The following IFT122 variants were observed in gnomAD, a reference collection of about 807,000 sequenced individuals.
IFT122 encodes intraflagellar transport protein 122 homolog.
A neutral mutation model predicts 161.6 loss-of-function variants in IFT122; 118 were observed. The observed-to-expected ratio is 0.73, with a 90% CI of 0.63 to 0.85. The LOEUF is 0.85. Among genes scored for constraint, IFT122 ranks in the 40% least tolerant of loss-of-function variants. The pLI is 0.00. For synonymous variants in IFT122, 550 were observed against 602.4 expected (o/e 0.91, Z 1.27); for missense variants, 1,381 against 1,579.6 (o/e 0.87, Z 2.13).
At chr3:129,515,301 A>G in intron 25 of IFT122, 187 bp from the exon 26 acceptor site, 1 of 637,944 alleles carries the variant, frequency 1.6e-6, no homozygotes, top group Admixed American at 2.4e-5. Flanking sequence ...GGGCTTGGGT[A>G]TTTCGGCAGG....
intron 26 of IFT122, among the ~76,000 whole-genome samples, chr3:129,517,048 C>G: frequency 7.1e-6 from 1 of 140,718 alleles, no homozygotes; most frequent in Non-Finnish European, 1.5e-5. Context: ...TGCACACACA[C>G]ACACACACAC....
At chr3:129,483,797 G>A (rs2078950308) in intron 15 of IFT122, 115 bp downstream of exon 15, 4 of 1,152,168 alleles carry the variant, frequency 3.5e-6, no homozygotes, top group Admixed American at 2.0e-5. Flanking sequence ...AATGGCAGCT[G>A]TGAGGTCGTG....
intron 18 of IFT122, among the ~76,000 whole-genome samples, chr3:129,495,971 T>C (rs1400217738): frequency 6.6e-6 from 1 of 152,146 alleles, no homozygotes; most frequent in Non-Finnish European, 1.5e-5. Context: ...CAAGAATCGG[T>C]GTCTTCAGGC....
chr3:129,498,327 GT>G lies in IFT122; in HGVS notation c.2209-1571del, dbSNP rs540514895. Among the ~76,000 whole-genome samples the G allele has an allele frequency of 5.4e-4, 82 of 152,330 alleles. 1 individual carries two copies. The South Asian group carries it at 7.5e-3, about 14-fold the overall frequency. ...ACATTTCTAGTCTCCTAAGATGCCT[GT>G]TTTCCTCCAGCTGCCACCCTCATTT... On this transcript the variant is annotated intron_variant, in intron 18 of 29. Transcript: ENST00000348417.
chr3:129,513,775 G>A (rs949832533), intron 24 of IFT122: 10 of 190,308 alleles, frequency 5.3e-5, no homozygotes, highest in Admixed American at 1.1e-4. Flanking sequence ...GGAGAGATGC[G>A]GGAGGAAGGG....
At chr3:129,502,949 C>T in intron 20 of IFT122, 67 bp downstream of exon 20, 2 of 1,518,434 alleles carry the variant, frequency 1.3e-6, no homozygotes, top group East Asian at 2.3e-5. Context: ...CGGGTGGGTA[C>T]AGGGGCCCTT....
chr3:129,464,901 A>C, intron 7 of IFT122, 120 bp downstream of exon 7: 1 of 1,136,082 alleles, frequency 8.8e-7, no homozygotes, highest in South Asian at 1.3e-5. Flanking sequence ...CTGTTTTAGA[A>C]CCTGTCCCAT....
intron 4 of IFT122, chr3:129,459,529 A>ATT: frequency 1.4e-5 from 3 of 221,330 alleles, no homozygotes; most frequent in South Asian, 4.4e-5. Context: ...GACTACATCT[A>ATT]TTTTTTTTTT....
Position 129,514,525 on chromosome 3 carries a change from A to T in IFT122, c.3124A>T (p.Ile1042Phe). Reference sequence around the variant, plus strand: ...GTCCATTGAGCTGGGTACCCTGACCATCCGCGCCAAGCCCTTCCACGACAG... The same window carrying T: ...GTCCATTGAGCTGGGTACCCTGACCTTCCGCGCCAAGCCCTTCCACGACAG... ...QKSIELGTLT[I>F]RAKPFHDSEE... The change falls in exon 25 of 30, where the codon ATC becomes TTC. Residue 1042 changes from isoleucine (I) to phenylalanine (F), a missense_variant. Physicochemically the swap from Ile to Phe is conservative, Grantham distance 21. Transcript: ENST00000348417. The T allele has an allele frequency of 6.2e-7, 1 of 1,614,218 alleles. No individual in the cohort carries two copies. The highest frequency in any genetic ancestry group is 8.5e-7 in the Non-Finnish European group (1 of 1,180,034).
chr3:129,492,082 A>G (rs1362884986), intron 16 of IFT122, 59 bp from the exon 17 acceptor site: 3 of 1,326,248 alleles, frequency 2.3e-6, no homozygotes, highest in Non-Finnish European at 3.3e-6. Context: ...CCCCTAGCCA[A>G]TCACCCACTT....
rs565104576 is a variant in IFT122 at position 129,519,328 on chromosome 3, C to A, written c.3471+142C>A. The A allele has an allele frequency of 2.4e-5, 24 of 979,648 alleles. No homozygotes were observed. In the African/African-American group the frequency reaches 3.7e-4, roughly 15 times the overall value. 60.7% of individuals were successfully genotyped at this position (979,648 alleles called of 1,614,324 possible). On this transcript the variant is annotated intron_variant, in intron 28 of 29. Transcript: ENST00000348417. ...TGGTGGCACGAAGGAGGGGCAGGAC[C>A]CCTTCCTGTGGGGTGTGGGAGCCAT...
chr3:129,457,741 T>TG (rs1272758102), intron 3 of IFT122, among the ~76,000 whole-genome samples: 19 of 148,188 alleles, frequency 1.3e-4, no homozygotes, highest in Admixed American at 1.2e-3. Flanking sequence ...AGTTTTTTTT[T>TG]TTTTTTTTTT....
At chr3:129,488,206 T>C (rs747336156) in intron 15 of IFT122, 51 bp from the exon 16 acceptor site, 79 of 1,613,274 alleles carry the variant, frequency 4.9e-5, no homozygotes, top group Non-Finnish European at 6.0e-5. Context: ...TCTGGTTCTT[T>C]CCATGGCTCT....
At chr3:129,514,272 C>G in intron 24 of IFT122, 117 bp from the exon 25 acceptor site, 3 of 1,161,334 alleles carry the variant, frequency 2.6e-6, no homozygotes, top group Non-Finnish European at 2.5e-6. Context: ...GGTCTTTCCT[C>G]TGCCTTCCCG....
intron 19 of IFT122, among the ~76,000 whole-genome samples, chr3:129,500,467 A>G (rs2081388690): frequency 6.6e-6 from 1 of 152,246 alleles, no homozygotes; most frequent in Non-Finnish European, 1.5e-5. Flanking sequence ...AGATAGCTGG[A>G]AAGTTGTAGA....
intron 20 of IFT122, chr3:129,503,890 A>G: frequency 3.6e-6 from 1 of 280,024 alleles, no homozygotes. Flanking sequence ...AGAAGCAGTC[A>G]GTGGGTCCAT....
Position 129,517,893 on chromosome 3 carries a change from C to T in IFT122, c.3391+299C>T, listed in dbSNP as rs72987906. Among the ~76,000 whole-genome samples the T allele has an allele frequency of 2.2e-3, 341 of 152,358 alleles. 2 individuals are homozygous for T. The highest frequency in any genetic ancestry group is 7.6e-3 in the African/African-American group (317 of 41,590). ...CTGTGCCTCTGTCTGTGCATAGCTC[C>T]TGCATAGCCAACATGGGACATGATG... On this transcript the variant is annotated intron_variant, in intron 27 of 29. Transcript: ENST00000348417.
chr3:129,507,841 A>T (rs2082344958), intron 23 of IFT122, 79 bp downstream of exon 23: 2 of 1,066,704 alleles, frequency 1.9e-6, no homozygotes, highest in Admixed American at 3.4e-5. Flanking sequence ...AGAGCAGCAG[A>T]CTGGATGGAA....
chr3:129,517,396 T>C, intron 26 of IFT122, 73 bp from the exon 27 acceptor site: 1 of 1,595,382 alleles, frequency 6.3e-7, no homozygotes, highest in Non-Finnish European at 8.6e-7. Flanking sequence ...AACTCTGTGG[T>C]CACCCCACCT....
Sources: allele counts gnomAD v4.1 joint callset (sites outside exome capture counted in the v4.1 genomes callset), GRCh38; gene constraint gnomAD v4.1.1; transcripts MANE v1.5; gene names NCBI Gene and HGNC (gene_info 2026-07-23, HGNC 2026-07-21).